Variants in SLC37A2 observed in about 807,000 individuals in gnomAD.
SLC37A2 encodes glucose-6-phosphate exchanger SLC37A2.
In SLC37A2, 59 loss-of-function variants were observed where a neutral mutation model predicts 70.7. The observed-to-expected ratio is 0.83, with a 90% CI of 0.68 to 1.04. The LOEUF (loss-of-function observed/expected upper bound fraction) is 1.04, where lower values mean the gene tolerates loss of function less well. SLC37A2 is among the 50% of genes least tolerant of loss of function. SLC37A2 has a pLI of 0.00. For missense variants in SLC37A2, 580 were observed against 658.1 expected, an observed-to-expected ratio of 0.88 and a Z score of 1.30; for synonymous variants, 257 against 262.1, an observed-to-expected ratio of 0.98 and a Z score of 0.19.
At position 125,063,501 on chromosome 11, in the gene SLC37A2, G is replaced by A. The variant is rs1051359305; in HGVS notation, c.59+75G>A. On this transcript the variant is annotated intron_variant, in intron 1 of 17. Transcript: ENST00000403796. This position sits in a 1 kb window ranked among gnomAD's most constrained non-coding sequence, Gnocchi z 5.4. ...CTTGCAGGGGCCGCGGGGGGCCTCG[G>A]AGATCACCCCAGATCGGCCCCGGCG... The A allele has an allele frequency of 6.3e-5, 88 of 1,398,214 alleles. No homozygotes were observed. The highest frequency in any genetic ancestry group is 9.7e-5 in the Admixed American group (5 of 51,628). 86.6% of individuals were successfully genotyped at this position (1,398,214 alleles called of 1,614,324 possible).
rs933027156 is a variant in SLC37A2 at position 125,083,759 on chromosome 11, C to T, written c.977-56C>T. 8.7e-6 allele frequency: 13 copies of T among 1,490,824 alleles called. No individual in the cohort carries two copies. The highest frequency in any genetic ancestry group is 1.2e-5 in the Non-Finnish European group (13 of 1,067,548). The allele number at this position is 1,490,824 out of a possible 1,614,324, so 92.3% of individuals were successfully genotyped here. On this transcript the variant is annotated intron_variant, in intron 10 of 17. Transcript: ENST00000403796. The surrounding 1 kb of genome is among the most constrained non-coding windows in gnomAD (Gnocchi z 4.6). ...CTCTGCAGGGCTTCTAGCTGTGACA[C>T]TCCAGGATGTTTGCCCCAAACCCCA...
chr11:125,081,589 A>AC, intron 8 of SLC37A2, 131 bp downstream of exon 8: 1 of 1,374,876 alleles, frequency 7.3e-7, no homozygotes, highest in Non-Finnish European at 9.9e-7. Flanking sequence ...TGCTAGGCCC[A>AC]TGGGTTGGCC....
chr11:125,082,234 C>T lies in SLC37A2; in HGVS notation c.886-10C>T, dbSNP rs1258846855. The T allele has an allele frequency of 1.2e-6, 2 of 1,613,534 alleles. No individual in the cohort carries two copies. Among genetic ancestry groups the T allele is most frequent in the Non-Finnish European group, 1.7e-6 (2 of 1,179,524 alleles). On this transcript the variant is annotated splice_polypyrimidine_tract_variant and intron_variant, in intron 9 of 17. Coordinates refer to ENST00000403796, the MANE Select transcript of SLC37A2 (RefSeq NM_001145290.2). ...ACCCCTTCCCATGTGCCCCCTGTTG[C>T]ACTCCCCAGGGCGTGGTCGAGTTCT...
chr11:125,078,970 G>T, intron 4 of SLC37A2, 142 bp from the exon 5 acceptor site: 1 of 970,950 alleles, frequency 1.0e-6, no homozygotes, highest in South Asian at 1.5e-5. Flanking sequence ...GACAGAGGTT[G>T]GCCCCGTCAC....
rs1949133216 is a variant in SLC37A2 at position 125,080,360 on chromosome 11, G to T, written c.528-254G>T. ...GAGGGCCGGGGCCCCCATGCCCTCA[G>T]TGTGGCTAGAGCTCCCATCGGCACT... On this transcript the variant is annotated intron_variant, in intron 6 of 17. Coordinates refer to ENST00000403796, the MANE Select transcript of SLC37A2 (RefSeq NM_001145290.2). The surrounding 1 kb of genome is among the most constrained non-coding windows in gnomAD (Gnocchi z 4.3). Among the ~76,000 whole-genome samples, 1 of 152,222 alleles carries T rather than the reference G, an allele frequency of 6.6e-6. No homozygotes were observed. The highest frequency in any genetic ancestry group is 1.5e-5 in the Non-Finnish European group (1 of 68,036).
In SLC37A2 at chr11:125,083,633, C is replaced by T. The variant is rs138541028; in HGVS notation, c.977-182C>T. ...GCAACACAGGACGGGACCAAGAGGG[C>T]GTCTATCCAAACTGCTGCATTCTCA... is the stretch of plus-strand genomic sequence containing the variant. On this transcript the variant is annotated intron_variant, in intron 10 of 17. Transcript: ENST00000403796. The surrounding 1 kb of genome is among the most constrained non-coding windows in gnomAD (Gnocchi z 4.6). Among the ~76,000 whole-genome samples the T allele has an allele frequency of 4.1e-3, 621 of 152,250 alleles. 3 individuals are homozygous for T. The highest frequency in any genetic ancestry group is 0.014 in the African/African-American group (566 of 41,528).
Position 125,084,850 on chromosome 11 carries a change from A to G in SLC37A2, c.1151A>G (p.Gln384Arg). ...ATGTTCCTGTACAACTACATTGGCC[A>G]GGACGGGATTGCCAGCTCCATAGGT... ...PMMFLYNYIGQDGIASSIVML... is the reference protein window; with the variant it reads ...PMMFLYNYIGRDGIASSIVML... The change falls in exon 13 of 18, where the codon CAG becomes CGG. Residue 384 changes from glutamine to arginine, a missense_variant. Gln to Arg is a conservative substitution (Grantham distance 43). Coordinates refer to ENST00000403796, the MANE Select transcript of SLC37A2 (RefSeq NM_001145290.2). 1 of 1,613,798 alleles carries G rather than the reference A, an allele frequency of 6.2e-7. No individual in the cohort carries two copies. The highest frequency in any genetic ancestry group is 8.5e-7 in the Non-Finnish European group (1 of 1,179,880).
chr11:125,068,924 TGAA>T (rs992601579), intron 1 of SLC37A2, among the ~76,000 whole-genome samples: 12 of 152,314 alleles, frequency 7.9e-5, no homozygotes, highest in African/African-American at 2.9e-4. Flanking sequence ...ATTTAAGAAG[TGAA>T]GAAGACAGAA....
At chr11:125,085,811 C>A in intron 16 of SLC37A2, 137 bp downstream of exon 16, 1 of 1,236,432 alleles carries the variant, frequency 8.1e-7, no homozygotes. Flanking sequence ...GAAGCACTCT[C>A]CCTCCCCCGA....
At position 125,072,633 on chromosome 11, in the gene SLC37A2, T is replaced by TGAGAG. The variant is rs572832731; in HGVS notation, c.60-4119_60-4115dup. On this transcript the variant is annotated intron_variant, in intron 1 of 17. Coordinates refer to ENST00000403796, the MANE Select transcript of SLC37A2 (RefSeq NM_001145290.2). ...TCTTGATTCACGAGGGAAGGACTGG[T>TGAGAG]GAGAGGAGAAGTGAAACCTGCGGGT... 3.8e-3 allele frequency among the ~76,000 whole-genome samples: 576 copies of TGAGAG among 152,186 alleles called. 3 individuals carry two copies. Among genetic ancestry groups the TGAGAG allele is most frequent in the African/African-American group, 0.013 (550 of 41,520 alleles).
chr11:125,076,952 G>T, intron 2 of SLC37A2, 114 bp downstream of exon 2: 1 of 1,006,188 alleles, frequency 9.9e-7, no homozygotes. Flanking sequence ...CACTCTCAGT[G>T]GCTGTCTTCC....
At chr11:125,066,846 A>G (rs1436486821) in intron 1 of SLC37A2, among the ~76,000 whole-genome samples, 3 of 152,192 alleles carry the variant, frequency 2.0e-5, no homozygotes, top group Non-Finnish European at 4.4e-5. Context: ...CATAAGTTCT[A>G]AATATCTGTA....
At chr11:125,068,096 C>G (rs1351066774) in intron 1 of SLC37A2, among the ~76,000 whole-genome samples, 1 of 152,066 alleles carries the variant, frequency 6.6e-6, no homozygotes, top group East Asian at 1.9e-4. Context: ...ATGACTTTCT[C>G]CAGCCTCCAA....
chr11:125,076,695 C>A (rs1431772321), intron 1 of SLC37A2, 62 bp from the exon 2 acceptor site: 3 of 1,515,628 alleles, frequency 2.0e-6, no homozygotes, highest in Middle Eastern at 1.7e-4. Context: ...TCAGGGATGC[C>A]GGCCCAGAAC....
rs1164491612 is a variant in SLC37A2 at position 125,089,182 on chromosome 11, C to G, written c.*1048C>G. The G allele has an allele frequency of 6.6e-6, 1 of 152,364 alleles. No individual in the cohort carries two copies. Among genetic ancestry groups the G allele is most frequent in the Non-Finnish European group, 1.5e-5 (1 of 68,120 alleles). The allele number at this position is 152,364 out of a possible 1,614,324, so 9.4% of individuals were successfully genotyped here. Reference sequence around the variant, plus strand: ...CTGTTTTCTGGCTAGCTCTTGGCATCTCCATCTGAGCCTAAAGTTGCCCAC... The same window carrying G: ...CTGTTTTCTGGCTAGCTCTTGGCATGTCCATCTGAGCCTAAAGTTGCCCAC... On this transcript the variant is annotated 3_prime_UTR_variant, in exon 18 of 18. Transcript: ENST00000403796.
Position 125,063,620 on chromosome 11 carries a change from G to C in SLC37A2, c.59+194G>C, listed in dbSNP as rs1221962992. On this transcript the variant is annotated intron_variant, in intron 1 of 17. Coordinates refer to ENST00000403796, the MANE Select transcript of SLC37A2 (RefSeq NM_001145290.2). This position sits in a 1 kb window ranked among gnomAD's most constrained non-coding sequence, Gnocchi z 5.4. ...TTGATAACCCTCCCTGCCCAACTCC[G>C]CCCGCGCTCCCCCAGACCCCGCGAC... is the stretch of plus-strand genomic sequence containing the variant. 1.3e-5 allele frequency among the ~76,000 whole-genome samples: 2 copies of C among 151,348 alleles called. No homozygotes were observed. The highest frequency in any genetic ancestry group is 2.9e-5 in the Non-Finnish European group (2 of 68,030).
At chr11:125,075,973 G>A (rs372258824) in intron 1 of SLC37A2, among the ~76,000 whole-genome samples, 22 of 152,244 alleles carry the variant, frequency 1.4e-4, no homozygotes, top group African/African-American at 4.6e-4. Flanking sequence ...TCCTGGCTGC[G>A]GCGAGGAAGC....
At chr11:125,084,355 G>C (rs1555080739) in intron 12 of SLC37A2, 36 bp downstream of exon 12, 5 of 1,605,200 alleles carry the variant, frequency 3.1e-6, no homozygotes, top group Non-Finnish European at 3.4e-6. Flanking sequence ...GCGAATGCAT[G>C]TGAGCAGGAG....
intron 4 of SLC37A2, 73 bp downstream of exon 4, chr11:125,077,601 G>C (rs948925672): frequency 4.2e-6 from 5 of 1,201,970 alleles, no homozygotes; most frequent in African/African-American, 3.1e-5. Context: ...AAGGAACCTG[G>C]GGGCAGCTGG....
Sources: allele counts gnomAD v4.1 joint callset (sites outside exome capture counted in the v4.1 genomes callset), GRCh38; gene constraint gnomAD v4.1.1; non-coding constraint Gnocchi (gnomAD v3.1); transcripts MANE v1.5; gene names NCBI Gene and HGNC (gene_info 2026-07-23, HGNC 2026-07-21).